Variants in ZMYND8 observed in about 807,000 individuals in gnomAD.
ZMYND8 encodes zinc finger MYND-type containing 8.
Under a neutral mutation model 140.8 loss-of-function variants are expected in ZMYND8, and 37 were observed. The observed-to-expected ratio is 0.26, with a 90% CI of 0.20 to 0.35. The LOEUF is 0.35. Ranked by LOEUF, ZMYND8 falls within the 10% of genes least tolerant of loss-of-function variation. ZMYND8 has a pLI of 1.00. For synonymous variants in ZMYND8, 592 were observed against 597.1 expected (o/e 0.99, Z 0.12); for missense variants, 1,068 against 1,570.0 (o/e 0.68, Z 5.40).
intron 6 of ZMYND8, among the ~76,000 whole-genome samples, chr20:47,290,822 C>T (rs6090659): frequency 6.6e-6 from 1 of 151,810 alleles, no homozygotes; most frequent in Non-Finnish European, 1.5e-5. Context: ...AACTCCTGAC[C>T]TCAGATGATC....
intron 10 of ZMYND8, among the ~76,000 whole-genome samples, chr20:47,277,910 A>G (rs1353369715): frequency 6.6e-6 from 1 of 152,018 alleles, no homozygotes; most frequent in Admixed American, 6.6e-5. Context: ...TGACCTCGTG[A>G]TCCACCCACC....
chr20:47,274,306 C>T (rs879762777), intron 11 of ZMYND8, among the ~76,000 whole-genome samples: 4 of 152,272 alleles, frequency 2.6e-5, no homozygotes, highest in Admixed American at 6.5e-5. Context: ...TTTAAACACA[C>T]GAGCCTATAC....
chr20:47,294,592 C>T, intron 5 of ZMYND8, 74 bp downstream of exon 5: 1 of 1,425,596 alleles, frequency 7.0e-7, no homozygotes, highest in South Asian at 1.2e-5. Flanking sequence ...ACCTAAAAAG[C>T]TAAGCTATTA....
At chr20:47,229,658 T>C (rs1187339486) in intron 17 of ZMYND8, 68 bp downstream of exon 17, 1 of 1,485,780 alleles carries the variant, frequency 6.7e-7, no homozygotes, top group Non-Finnish European at 9.3e-7. Flanking sequence ...AGCTTCTTCA[T>C]GGTACCACCT....
At chr20:47,215,906 T>A (rs2036022341) in intron 21 of ZMYND8, among the ~76,000 whole-genome samples, 1 of 152,170 alleles carries the variant, frequency 6.6e-6, no homozygotes, top group Non-Finnish European at 1.5e-5. Flanking sequence ...CTATTGGAGA[T>A]GCAAGGTGTC....
chr20:47,323,354 C>A (rs562283541), intron 2 of ZMYND8, among the ~76,000 whole-genome samples: 7 of 152,076 alleles, frequency 4.6e-5, no homozygotes, highest in Non-Finnish European at 7.4e-5. Flanking sequence ...GCGATCCTCC[C>A]ACCTCAGGCT....
chr20:47,249,254 T>C (rs773538121), intron 13 of ZMYND8, 33 bp downstream of exon 13: 60 of 1,604,212 alleles, frequency 3.7e-5, no homozygotes, highest in Non-Finnish European at 5.1e-5. Flanking sequence ...ACAATGATAC[T>C]GCTGGAAAAA....
chr20:47,254,151 C>T (rs1258864582), intron 12 of ZMYND8, among the ~76,000 whole-genome samples: 1 of 152,234 alleles, frequency 6.6e-6, no homozygotes, highest in East Asian at 1.9e-4. Flanking sequence ...TCAGAATCCA[C>T]CCTTGCTGCC....
intron 15 of ZMYND8, among the ~76,000 whole-genome samples, chr20:47,237,126 A>G (rs1025160979): frequency 6.6e-6 from 1 of 151,366 alleles, no homozygotes; most frequent in Non-Finnish European, 1.5e-5. Flanking sequence ...AATCTGAAGC[A>G]ATGAGCCACT....
At chr20:47,293,144 AAGGAAGGGAGGGAGGG>A (rs1236490110) in intron 5 of ZMYND8, among the ~76,000 whole-genome samples, 3 of 34,406 alleles carry the variant, frequency 8.7e-5, no homozygotes, top group South Asian at 1.1e-3. Context: ...GGAAGGAAGG[AAGGAAGGGAGGGAGGG>A]AGGGAGGGAG....
rs1195860296 is a variant in ZMYND8, at chr20:47,236,269, A to T, written c.2856+57T>A. On this transcript the variant is annotated intron_variant, in intron 16 of 22. Transcript: ENST00000471951. ...TCACGCTTCCCCTCGGGAGACCAAG[A>T]TTCTGGCATCCTGCCAGGTGTCTGC... The T allele has an allele frequency of 7.5e-6, 12 of 1,608,218 alleles. No individual in the cohort carries two copies. The Admixed American group carries it at 1.3e-4, about 18-fold the overall frequency.
intron 2 of ZMYND8, among the ~76,000 whole-genome samples, chr20:47,315,622 G>T (rs192032346): frequency 1.0e-3 from 155 of 152,232 alleles, no homozygotes; most frequent in African/African-American, 3.4e-3. Flanking sequence ...GCTCCATAAG[G>T]ACCCTTTCCA....
Position 47,210,825 on chromosome 20 carries a change from T to C in ZMYND8, c.3641A>G (p.Asn1214Ser), listed in dbSNP as rs755510332. ...GAGGCTCTTCGTGCTGGTACTGGTG[T>C]TGTGATCGGAACGTGTCGATCCCCT... is the stretch of plus-strand genomic sequence containing the variant. The part of the protein sequence containing the change: ...EKRGSTRSDH[N>S]TSTSTKSLLP... Residue 1214 changes from asparagine (N) to serine (S), a missense_variant, in exon 23 of 23, where the codon AAC becomes AGC. Asn to Ser is a conservative substitution (Grantham distance 46, BLOSUM62 1). This residue lies in a region of ZMYND8 where 180 missense variants were observed against 187.8 expected (regional missense o/e 0.96). Coordinates refer to ENST00000471951, the MANE Select transcript of ZMYND8 (RefSeq NM_001281775.3). 11 of 1,614,152 alleles carry C rather than the reference T, an allele frequency of 6.8e-6. No individual in the cohort carries two copies. Among genetic ancestry groups the C allele is most frequent in the Non-Finnish European group, 8.5e-6 (10 of 1,180,034 alleles).
At chr20:47,214,339 C>A (rs2035746679) in intron 21 of ZMYND8, among the ~76,000 whole-genome samples, 1 of 152,200 alleles carries the variant, frequency 6.6e-6, no homozygotes, top group Non-Finnish European at 1.5e-5. Context: ...CAGACCTCTG[C>A]GGCCTCCCTG....
At chr20:47,213,334 C>A (rs6018346) in intron 21 of ZMYND8, among the ~76,000 whole-genome samples, 1 of 151,986 alleles carries the variant, frequency 6.6e-6, no homozygotes, top group Non-Finnish European at 1.5e-5. Context: ...CAGCTGATAC[C>A]GTGAGAAGCT....
At chr20:47,331,048 A>T (rs1035548663) in intron 2 of ZMYND8, among the ~76,000 whole-genome samples, 3 of 152,296 alleles carry the variant, frequency 2.0e-5, no homozygotes, top group Admixed American at 2.0e-4. Context: ...TGGAGAAGAG[A>T]GAAGTGGAAC....
rs754922896 is a variant in ZMYND8, at chr20:47,236,406, C to G, written c.2776G>C (p.Val926Leu). Reference sequence around the variant, plus strand: ...GGCAGGTCAGCGTTGACTGAGGACACAAGGGTGCTCATGGACCCCGAGCTG... The same window carrying G: ...GGCAGGTCAGCGTTGACTGAGGACAGAAGGGTGCTCATGGACCCCGAGCTG... ...VTSSGSMSTL[V>L]SSVNADLPIA... The change falls in exon 16 of 23, where the codon GTG becomes CTG. Residue 926 changes from valine to leucine, a missense_variant. This residue lies in a region of ZMYND8 where 383 missense variants were observed against 431.2 expected (regional missense o/e 0.89). Transcript: ENST00000471951. 10 of 1,614,082 alleles carry G rather than the reference C, an allele frequency of 6.2e-6. No homozygotes were observed. In the East Asian group the frequency reaches 2.2e-4, roughly 36 times the overall value.
At chr20:47,253,176 T>A (rs1010643170) in intron 12 of ZMYND8, among the ~76,000 whole-genome samples, 4 of 152,214 alleles carry the variant, frequency 2.6e-5, no homozygotes, top group African/African-American at 9.6e-5. Flanking sequence ...TCCTGAGGCC[T>A]GAGCCCCATC....
In ZMYND8 at chr20:47,210,562, G is replaced by A; in HGVS notation, c.*199C>T. Reference sequence around the variant, plus strand: ...TACACCAAAAGCACAGGGCTCGTGTGGGTGAACAGTCTGCAGTCAAAGCCG... The same window carrying A: ...TACACCAAAAGCACAGGGCTCGTGTAGGTGAACAGTCTGCAGTCAAAGCCG... On this transcript the variant is annotated 3_prime_UTR_variant, in exon 23 of 23. Coordinates refer to ENST00000471951, the MANE Select transcript of ZMYND8 (RefSeq NM_001281775.3). The A allele has an allele frequency of 1.5e-6, 1 of 688,170 alleles. No individual in the cohort carries two copies. The highest frequency in any genetic ancestry group is 1.8e-5 in the South Asian group (1 of 56,014). The allele number at this position is 688,170 out of a possible 1,614,324, so 42.6% of individuals were successfully genotyped here.
Sources: gnomAD v4.1 joint callset for allele counts (sites outside exome capture counted in the v4.1 genomes callset) on GRCh38, gnomAD v4.1.1 for gene constraint, gnomAD v4.1.1 regional missense constraint, MANE v1.5 for transcripts, NCBI Gene and HGNC (gene_info 2026-07-23, HGNC 2026-07-21) for gene names.